The following FARP1 variants were observed in gnomAD, a reference collection of about 807,000 sequenced individuals.
FARP1 encodes the protein FERM, ARHGEF and pleckstrin domain-containing protein 1.
FARP1 carries 52 observed loss-of-function variants against 128.8 expected under a neutral mutation model. The observed-to-expected ratio is 0.40, with a 90% confidence interval of 0.32 to 0.51. The LOEUF (loss-of-function observed/expected upper bound fraction) is 0.51, where lower values mean the gene tolerates loss of function less well. Among genes scored for constraint, FARP1 ranks in the 20% least tolerant of loss-of-function variants. FARP1 has a pLI of 0.45. For synonymous variants in FARP1, 580 were observed against 551.8 expected (o/e 1.05, Z -0.72); for missense variants, 1,333 against 1,367.9 (o/e 0.97, Z 0.40).
rs369916715 is a variant in FARP1, at chr13:98,326,267, A to G, written c.172-17495A>G. ...TGGAAACATTCTTTTTCACAGGCTC[A>G]GACTTGGAGATTTAGCCTTAATGCT... On this transcript the variant is annotated intron_variant, in intron 2 of 26. Coordinates refer to ENST00000319562, the MANE Select transcript of FARP1 (RefSeq NM_005766.4). Among the ~76,000 whole-genome samples, 11 of 152,320 alleles carry G rather than the reference A, an allele frequency of 7.2e-5. No homozygotes were observed. In the East Asian group the frequency reaches 1.9e-3, roughly 27 times the overall value.
rs550176894 is a variant in FARP1 at position 98,390,645 on chromosome 13, A to C, written c.1020-167A>C. ...AAATATCAAGAGACTGAGTGGACCC[A>C]AAAATACAGAGTCTGTCAGGATTGC... On this transcript the variant is annotated intron_variant, in intron 10 of 26. Coordinates refer to ENST00000319562, the MANE Select transcript of FARP1 (RefSeq NM_005766.4). 202 of 564,552 alleles carry C rather than the reference A, an allele frequency of 3.6e-4. 1 individual carries two copies. The highest frequency in any genetic ancestry group is 5.3e-4 in the Non-Finnish European group (168 of 314,726). The allele number at this position is 564,552 out of a possible 1,614,324, so 35.0% of individuals were successfully genotyped here. A position where few individuals can be genotyped will look rare whatever the true frequency, so the allele number is the denominator to read the frequency against.
At chr13:98,386,208 T>TTTTTTTC (rs1555342699) in intron 8 of FARP1, among the ~76,000 whole-genome samples, 1 of 146,064 alleles carries the variant, frequency 6.8e-6, no homozygotes, top group African/African-American at 2.6e-5. Context: ...TTTTTTTTTT[T>TTTTTTTC]CAAACACAGT....
intron 2 of FARP1, among the ~76,000 whole-genome samples, chr13:98,277,148 A>ACACACACCCCC (rs372627844): frequency 7.2e-6 from 1 of 138,580 alleles, no homozygotes; most frequent in Admixed American, 7.1e-5. Context: ...ACACACACAC[A>ACACACACCCCC]CCCCATATGT....
chr13:98,195,196 C>T (rs954706786), intron 1 of FARP1, among the ~76,000 whole-genome samples: 2 of 152,166 alleles, frequency 1.3e-5, no homozygotes, highest in African/African-American at 4.8e-5. Flanking sequence ...GCATTTCAGA[C>T]CATGGCCTGT....
intron 1 of FARP1, among the ~76,000 whole-genome samples, chr13:98,153,473 T>G: frequency 7.7e-6 from 1 of 130,042 alleles, no homozygotes; most frequent in Non-Finnish European, 1.7e-5. Flanking sequence ...TATATAAATA[T>G]GTATAATATA....
intron 19 of FARP1, 46 bp downstream of exon 19, chr13:98,435,752 G>A (rs1792): frequency 0.24 from 390,183 of 1,599,432 alleles, 49,568 homozygotes; most frequent in East Asian, 0.35. Context: ...GAGCAGAAAG[G>A]AGGCATCGGA....
At chr13:98,154,464 C>G (rs1018299156) in intron 1 of FARP1, among the ~76,000 whole-genome samples, 2 of 152,158 alleles carry the variant, frequency 1.3e-5, no homozygotes, top group African/African-American at 4.8e-5. Flanking sequence ...CTTGGACTCT[C>G]TGGCAGAGAA....
rs773362468 is a variant in FARP1, at chr13:98,446,776, C to T, written c.3015C>T (p.His1005=). 6.1e-5 allele frequency: 98 copies of T among 1,614,100 alleles called. No individual in the cohort carries two copies. Among genetic ancestry groups the T allele is most frequent in the Non-Finnish European group, 7.0e-5 (83 of 1,180,046 alleles). ...DYVFKLHFKS[H]VYYFRAESEY... ...TGTTCAAGCTGCACTTCAAGTCCCA[C>T]GTCTACTACTTCAGGGCGGAAAGCG... The change falls in exon 26 of 27, where the codon CAC becomes CAT. Residue 1005 remains histidine, a synonymous_variant. Transcript: ENST00000319562.
At chr13:98,343,934 C>A in intron 3 of FARP1, 68 bp downstream of exon 3, 1 of 1,007,756 alleles carries the variant, frequency 9.9e-7, no homozygotes, top group Non-Finnish European at 1.6e-6. Flanking sequence ...TGGGCAGGGG[C>A]CAGTCTAAAT....
intron 2 of FARP1, among the ~76,000 whole-genome samples, chr13:98,312,135 CTTTT>C (rs60890411): frequency 5.8e-5 from 5 of 86,120 alleles, no homozygotes; most frequent in Admixed American, 3.4e-4. Context: ...GTGGTAACTG[CTTTT>C]TTTTTTTTTT....
At chr13:98,410,846 A>G (rs1479818458) in intron 15 of FARP1, 23 bp downstream of exon 15, 2 of 1,256,592 alleles carry the variant, frequency 1.6e-6, no homozygotes, top group Admixed American at 3.6e-5. Flanking sequence ...TTTCCCCAAA[A>G]GCATTCGATT....
intron 2 of FARP1, among the ~76,000 whole-genome samples, chr13:98,220,963 T>G (rs1038968418): frequency 6.6e-6 from 1 of 152,204 alleles, no homozygotes; most frequent in African/African-American, 2.4e-5. Flanking sequence ...GGAGGAAGTT[T>G]GAAAAGCTGC....
At chr13:98,405,192 A>G (rs1199514900) in intron 13 of FARP1, 1 of 152,190 alleles carries the variant, frequency 6.6e-6, no homozygotes, top group African/African-American at 2.4e-5. Flanking sequence ...ACTGCCTTTC[A>G]GCAGCTCTGC....
chr13:98,305,144 TTTA>T (rs1886089060), intron 2 of FARP1, among the ~76,000 whole-genome samples: 1 of 151,022 alleles, frequency 6.6e-6, no homozygotes, highest in Non-Finnish European at 1.5e-5. Context: ...ATTTTTTATT[TTTA>T]TTATTTATTT....
In FARP1 at chr13:98,453,115, A is replaced by G. The variant is rs1893274446; in HGVS notation, c.*4798A>G. The G allele has an allele frequency of 3.1e-6, 5 of 1,599,296 alleles. 1 individual carries two copies. The highest frequency in any genetic ancestry group is 2.2e-5 in the South Asian group (2 of 90,414). The stretch of plus-strand genomic sequence containing the variant: ...CGAAGGCTCTCGTTGACTTTTAAAA[A>G]AGGAGGAGGATGAAGAAGGAAAAAA... On this transcript the variant is annotated 3_prime_UTR_variant, in exon 27 of 27. Transcript: ENST00000319562.
In FARP1 at chr13:98,448,904, G is replaced by GCTTGTTGGGATGGATCCCAACAAGTTTCA. The variant is rs1183512684; in HGVS notation, c.*587_*588insCTTGTTGGGATGGATCCCAACAAGTTTCA. 6.6e-6 allele frequency: 1 copy of GCTTGTTGGGATGGATCCCAACAAGTTTCA among 152,100 alleles called. No individual in the cohort carries two copies. The highest frequency in any genetic ancestry group is 1.5e-5 in the Non-Finnish European group (1 of 68,054). The allele number at this position is 152,100 out of a possible 1,614,324, so 9.4% of individuals were successfully genotyped here. ...TTGCAGCACACAGCGTTCCACTGCG[G>GCTTGTTGGGATGGATCCCAACAAGTTTCA]GGTTTCACGCTCACCTGAAAACACC... On this transcript the variant is annotated 3_prime_UTR_variant, in exon 27 of 27. Transcript: ENST00000319562.
At chr13:98,171,700 A>C (rs1478180261) in intron 1 of FARP1, among the ~76,000 whole-genome samples, 1 of 152,214 alleles carries the variant, frequency 6.6e-6, no homozygotes, top group Non-Finnish European at 1.5e-5. Context: ...CATTGTTAAA[A>C]AATATGCAAA....
chr13:98,152,760 T>C lies in FARP1; in HGVS notation c.-24+9268T>C, dbSNP rs545561101. On this transcript the variant is annotated intron_variant, in intron 1 of 26. Transcript: ENST00000319562. ...GAGAAAACTGATTTCTACCTGTTAA[T>C]TATGTGGAAAGTGACTTAAAGTCAT... Among the ~76,000 whole-genome samples the C allele has an allele frequency of 2.0e-3, 175 of 86,322 alleles. 3 individuals carry two copies. In the South Asian group the frequency reaches 0.052, roughly 26 times the overall value. The allele number at this position is 86,322 out of a possible 152,430, so 56.6% of individuals were successfully genotyped here.
chr13:98,279,492 C>G (rs1425438769), intron 2 of FARP1, among the ~76,000 whole-genome samples: 1 of 152,214 alleles, frequency 6.6e-6, no homozygotes, highest in Non-Finnish European at 1.5e-5. Flanking sequence ...TGGAAATGTT[C>G]TGGGCTTCTG....
Sources: gnomAD v4.1 joint callset for allele counts (sites outside exome capture counted in the v4.1 genomes callset) on GRCh38, gnomAD v4.1.1 for gene constraint, MANE v1.5 for transcripts, NCBI Gene and HGNC (gene_info 2026-07-23, HGNC 2026-07-21) for gene names.